FSIP1: variants seen among roughly 807,000 people sequenced by gnomAD.
FSIP1 encodes the protein fibrous sheath interacting protein 1, also known as fibrous sheath-interacting protein 1.
A neutral mutation model predicts 60.9 loss-of-function variants in FSIP1; 65 were observed. The observed-to-expected ratio is 1.07, with a 90% CI of 0.87 to 1.31. The LOEUF (loss-of-function observed/expected upper bound fraction) is 1.31, where lower values mean the gene tolerates loss of function less well. FSIP1 is among the 40% of genes most tolerant of loss of function. The pLI is 0.00. For missense variants in FSIP1, 675 were observed against 665.5 expected (o/e 1.01, Z -0.16); for synonymous variants, 209 against 221.2 (o/e 0.94, Z 0.49).
At chr15:39,628,227 A>T (rs1329199890) in intron 10 of FSIP1, among the ~76,000 whole-genome samples, 5 of 152,234 alleles carry the variant, frequency 3.3e-5, no homozygotes, top group African/African-American at 1.2e-4. Flanking sequence ...GGATTTACCT[A>T]GGGCAGCCAG....
chr15:39,694,851 C>T (rs1894751337), intron 10 of FSIP1, among the ~76,000 whole-genome samples: 2 of 151,830 alleles, frequency 1.3e-5, no homozygotes, highest in African/African-American at 4.8e-5. Context: ...TATAAAGACT[C>T]ATTTTTAAAG....
At chr15:39,711,455 A>G (rs1895502239) in intron 10 of FSIP1, among the ~76,000 whole-genome samples, 1 of 152,102 alleles carries the variant, frequency 6.6e-6, no homozygotes, top group Non-Finnish European at 1.5e-5. Context: ...GGTCACAAAC[A>G]TCCAAACCAC....
In FSIP1 at chr15:39,773,997, A is replaced by G. The variant is rs554367309; in HGVS notation, c.126+2402T>C. On this transcript the variant is annotated intron_variant, in intron 2 of 11. Transcript: ENST00000350221. The stretch of plus-strand genomic sequence containing the variant: ...AAAACTCATAGAACTATACACCAAA[A>G]AAGTGAATTTTATTGTATGTGACTT... 2.6e-5 allele frequency among the ~76,000 whole-genome samples: 4 copies of G among 152,348 alleles called. No individual in the cohort carries two copies. The East Asian group carries it at 7.7e-4, about 29-fold the overall frequency.
At chr15:39,648,667 G>T (rs1595571346) in intron 10 of FSIP1, among the ~76,000 whole-genome samples, 1 of 152,184 alleles carries the variant, frequency 6.6e-6, no homozygotes, top group Non-Finnish European at 1.5e-5. Flanking sequence ...CAAAAGTAAA[G>T]GTAGGTTGGA....
At chr15:39,649,117 C>T (rs1343469853) in intron 10 of FSIP1, among the ~76,000 whole-genome samples, 2 of 152,182 alleles carry the variant, frequency 1.3e-5, no homozygotes, top group Non-Finnish European at 2.9e-5. Context: ...GACACGATTT[C>T]AGTCTTCTTT....
At chr15:39,651,306 C>A (rs1346773253) in intron 10 of FSIP1, among the ~76,000 whole-genome samples, 1 of 152,216 alleles carries the variant, frequency 6.6e-6, no homozygotes, top group East Asian at 1.9e-4. Context: ...AATGTCAAAA[C>A]AATCTCTATT....
At chr15:39,631,539 C>T (rs1891889090) in intron 10 of FSIP1, among the ~76,000 whole-genome samples, 1 of 152,184 alleles carries the variant, frequency 6.6e-6, no homozygotes, top group East Asian at 1.9e-4. Flanking sequence ...CACCTACAGG[C>T]AGAGGCGAAG....
In FSIP1 at chr15:39,664,382, A is replaced by T. The variant is rs1044662660; in HGVS notation, c.1189-46137T>A. Reference sequence around the variant, plus strand: ...AAAAGAAAAATTTAAGTTCCCTCAGACCTATATAAAATTGGTCTAGAATCC... The same window carrying T: ...AAAAGAAAAATTTAAGTTCCCTCAGTCCTATATAAAATTGGTCTAGAATCC... On this transcript the variant is annotated intron_variant, in intron 10 of 11. Transcript: ENST00000350221. Among the ~76,000 whole-genome samples, 30 of 152,134 alleles carry T rather than the reference A, an allele frequency of 2.0e-4. 1 individual carries two copies. Among genetic ancestry groups the T allele is most frequent in the African/African-American group, 7.2e-4 (30 of 41,422 alleles).
intron 10 of FSIP1, among the ~76,000 whole-genome samples, chr15:39,688,358 C>A (rs1894467025): frequency 6.6e-6 from 1 of 152,172 alleles, no homozygotes; most frequent in South Asian, 2.1e-4. Flanking sequence ...TAAACATGCT[C>A]AGAACACTTA....
chr15:39,605,959 G>A (rs2140363331), intron 11 of FSIP1, among the ~76,000 whole-genome samples: 1 of 152,334 alleles, frequency 6.6e-6, no homozygotes, highest in Admixed American at 6.5e-5. Context: ...GCAGAGCAAG[G>A]ATTCAAACCC....
At chr15:39,638,120 T>C (rs1892211104) in intron 10 of FSIP1, among the ~76,000 whole-genome samples, 1 of 152,240 alleles carries the variant, frequency 6.6e-6, no homozygotes, top group South Asian at 2.1e-4. Flanking sequence ...TCAGAAAAAG[T>C]ATTTATAATA....
At chr15:39,763,066 G>C (rs947437386) in intron 5 of FSIP1, among the ~76,000 whole-genome samples, 1 of 151,946 alleles carries the variant, frequency 6.6e-6, no homozygotes, top group South Asian at 2.1e-4. Flanking sequence ...TATTAATAGT[G>C]GTTATCTCTA....
At chr15:39,611,696 G>A (rs561201457) in intron 11 of FSIP1, among the ~76,000 whole-genome samples, 52 of 152,240 alleles carry the variant, frequency 3.4e-4, no homozygotes, top group African/African-American at 1.1e-3. Context: ...GATTAAAGTC[G>A]CTAGTCAAAA....
chr15:39,682,106 A>G (rs912066963), intron 10 of FSIP1, among the ~76,000 whole-genome samples: 2 of 152,232 alleles, frequency 1.3e-5, no homozygotes, highest in Non-Finnish European at 2.9e-5. Flanking sequence ...AAATGGTCTC[A>G]ATATAGTTCC....
At chr15:39,635,128 G>A (rs1345697729) in intron 10 of FSIP1, among the ~76,000 whole-genome samples, 1 of 152,142 alleles carries the variant, frequency 6.6e-6, no homozygotes, top group Non-Finnish European at 1.5e-5. Flanking sequence ...AAGGTCAGAA[G>A]ATTGAAACCA....
chr15:39,674,291 T>C (rs1893848109), intron 10 of FSIP1, among the ~76,000 whole-genome samples: 1 of 152,172 alleles, frequency 6.6e-6, no homozygotes, highest in African/African-American at 2.4e-5. Context: ...CCTGACCTTG[T>C]GATCCGCCCG....
chr15:39,758,916 T>C lies in FSIP1; in HGVS notation c.559+4905A>G, dbSNP rs1271306481. ...TACACGATAAAGCTAGCATTTCAAA[T>C]AAGTGGGGAAATGACAGATTATCCA... On this transcript the variant is annotated intron_variant, in intron 5 of 11. Coordinates refer to ENST00000350221, the MANE Select transcript of FSIP1 (RefSeq NM_152597.5). Among the ~76,000 whole-genome samples, 3 of 151,992 alleles carry C rather than the reference T, an allele frequency of 2.0e-5. No individual in the cohort carries two copies. The East Asian group carries it at 5.8e-4, about 29-fold the overall frequency.
chr15:39,640,941 T>C (rs541325463), intron 10 of FSIP1, among the ~76,000 whole-genome samples: 4 of 152,238 alleles, frequency 2.6e-5, no homozygotes, highest in Non-Finnish European at 5.9e-5. Flanking sequence ...TTCAATCTCA[T>C]CTGCCTTTAA....
At chr15:39,598,046 A>C (rs1290051728), downstream of FSIP1, 1 of 152,280 alleles carries the variant, frequency 6.6e-6, no homozygotes, top group African/African-American at 2.4e-5. Context: ...GAAGGAATCC[A>C]TAAATGCGTG....
Sources: gnomAD v4.1 joint callset for allele counts (sites outside exome capture counted in the v4.1 genomes callset) on GRCh38, gnomAD v4.1.1 for gene constraint, MANE v1.5 for transcripts, NCBI Gene and HGNC (gene_info 2026-07-23, HGNC 2026-07-21) for gene names.